NUTM2B: variants seen among roughly 807,000 people sequenced by gnomAD.
NUTM2B encodes the protein NUT family member 2B, also known as family with sequence similarity 22, member B.
A neutral mutation model predicts 42.4 loss-of-function variants in NUTM2B; 2 were observed. The observed-to-expected ratio is 0.05, with a 90% CI of 0.02 to 0.15. NUTM2B has a LOEUF of 0.15. NUTM2B is among the 10% of genes least tolerant of loss of function. The probability of loss-of-function intolerance (pLI) is 1.00; values close to 1 mark genes in which losing one functional copy is unlikely to be tolerated. For missense variants in NUTM2B, 58 were observed against 952.6 expected, an observed-to-expected ratio of 0.06 and a Z score of 12.36; for synonymous variants, 18 against 402.4, an observed-to-expected ratio of 0.04 and a Z score of 11.43.
At chr10:79,704,072 G>T (rs1840346557) in intron 1 of NUTM2B, 81 bp downstream of exon 1, 1 of 791,072 alleles carries the variant, frequency 1.3e-6, no homozygotes, top group Non-Finnish European at 1.8e-6. Context: ...ACTGCCCCGG[G>T]GACAGTTGAT....
upstream of NUTM2B, among the ~76,000 whole-genome samples, chr10:79,700,204 G>A (rs375525103): frequency 5.2e-4 from 79 of 152,370 alleles, 2 homozygotes; most frequent in East Asian, 0.014. Flanking sequence ...ACAAATCAGC[G>A]TATTAGAACA....
chr10:79,697,765 C>A, the NUTM2B span, among the ~76,000 whole-genome samples: 1 of 140,428 alleles, frequency 7.1e-6, no homozygotes, highest in Non-Finnish European at 1.5e-5. Context: ...AGGTATACAA[C>A]ACTTGTGTCA....
upstream of NUTM2B, among the ~76,000 whole-genome samples, chr10:79,700,035 A>T (rs1434870701): frequency 6.6e-6 from 1 of 152,192 alleles, no homozygotes; most frequent in Admixed American, 6.5e-5. Flanking sequence ...ATAATATACC[A>T]CTACTTTTTA....
the NUTM2B span, among the ~76,000 whole-genome samples, chr10:79,696,175 C>T: frequency 2.3e-4 from 34 of 147,422 alleles, no homozygotes; most frequent in African/African-American, 8.2e-4. Flanking sequence ...TGGTGTGTTG[C>T]TAACTGCTTA....
the NUTM2B span, among the ~76,000 whole-genome samples, chr10:79,697,872 G>C: frequency 3.3e-5 from 5 of 149,958 alleles, no homozygotes; most frequent in African/African-American, 9.8e-5. Context: ...CAGCCTCTCT[G>C]TTTCCAAATA....
chr10:79,711,994 T>C (rs1268353446), exon 7 of NUTM2B: 2 of 1,365,038 alleles, frequency 1.5e-6, no homozygotes, highest in Non-Finnish European at 1.9e-6. Context: ...CTGGCCAACC[T>C]CTCCTCCCCA....
upstream of NUTM2B, among the ~76,000 whole-genome samples, chr10:79,701,393 A>C (rs181084887): frequency 6.6e-6 from 1 of 152,114 alleles, no homozygotes; most frequent in Non-Finnish European, 1.5e-5. Flanking sequence ...CACAGTGCAG[A>C]ATTCCAGTTG....
the NUTM2B span, among the ~76,000 whole-genome samples, chr10:79,692,458 C>A: frequency 2.0e-5 from 3 of 152,312 alleles, no homozygotes; most frequent in African/African-American, 7.2e-5. Flanking sequence ...AGCCAGCAGT[C>A]TGGCTCCAGA....
chr10:79,709,112 T>C (rs1427734182), intron 3 of NUTM2B, among the ~76,000 whole-genome samples: 1 of 110,134 alleles, frequency 9.1e-6, no homozygotes. Flanking sequence ...CCAAAGTGGG[T>C]CACCTCTAGC....
the NUTM2B span, among the ~76,000 whole-genome samples, chr10:79,697,769 T>G: frequency 1.6e-4 from 23 of 143,134 alleles, no homozygotes; most frequent in Non-Finnish European, 3.3e-4. Flanking sequence ...ATACAACACT[T>G]GTGTCATGCA....
chr10:79,699,989 T>A (rs1413711215), upstream of NUTM2B, among the ~76,000 whole-genome samples: 1 of 152,274 alleles, frequency 6.6e-6, no homozygotes, highest in East Asian at 1.9e-4. Context: ...GTGTGTGCAG[T>A]AAATTTTAGA....
chr10:79,695,530 G>A, the NUTM2B span, among the ~76,000 whole-genome samples: 2 of 152,306 alleles, frequency 1.3e-5, no homozygotes, highest in South Asian at 4.1e-4. Flanking sequence ...ATGGGGACAG[G>A]TTGGTTGAGA....
At chr10:79,705,512 T>G (rs1448366912) in intron 1 of NUTM2B, among the ~76,000 whole-genome samples, 339 of 150,912 alleles carry the variant, frequency 2.2e-3, no homozygotes, top group African/African-American at 7.7e-3. Flanking sequence ...AAGATTTCCA[T>G]CCAGTGGTTT....
intron 6 of NUTM2B, 60 bp from the exon 7 acceptor site, chr10:79,711,640 C>G: frequency 6.3e-7 from 1 of 1,597,594 alleles, no homozygotes; most frequent in South Asian, 1.1e-5. Flanking sequence ...TGGTCTCCAC[C>G]ACCCTGGGCC....
chr10:79,707,298 A>G (rs1840410938), intron 2 of NUTM2B, among the ~76,000 whole-genome samples: 1 of 131,262 alleles, frequency 7.6e-6, no homozygotes. Context: ...AATCCCTCCT[A>G]GAAAAAGGGA....
chr10:79,704,865 G>A (rs1407918317), intron 1 of NUTM2B, among the ~76,000 whole-genome samples: 2 of 148,438 alleles, frequency 1.3e-5, no homozygotes, highest in Non-Finnish European at 3.0e-5. Context: ...CAGTGGAAGG[G>A]TCTGGAAAGG....
At chr10:79,702,294 C>A (rs1840326533), upstream of NUTM2B, among the ~76,000 whole-genome samples, 1 of 151,976 alleles carries the variant, frequency 6.6e-6, no homozygotes, top group Non-Finnish European at 1.5e-5. Flanking sequence ...ACAGTCACTG[C>A]ATGGAGGTCA....
At chr10:79,697,565 C>T in the NUTM2B span, among the ~76,000 whole-genome samples, 1 of 150,682 alleles carries the variant, frequency 6.6e-6, no homozygotes, top group Non-Finnish European at 1.5e-5. Context: ...TAATACCTCT[C>T]TTTGTTCTTT....
At chr10:79,705,647 G>C (rs443226) in intron 1 of NUTM2B, among the ~76,000 whole-genome samples, 16,152 of 100,544 alleles carry the variant, frequency 0.16, 1,314 homozygotes, top group South Asian at 0.2. Context: ...TTCTGAGTGC[G>C]GAGCACTGCC....
Sources: allele counts gnomAD v4.1 joint callset (sites outside exome capture counted in the v4.1 genomes callset), GRCh38; gene constraint gnomAD v4.1.1; transcripts MANE v1.5; gene names NCBI Gene and HGNC (gene_info 2026-07-23, HGNC 2026-07-21).